Variants in BAIAP2L1 observed in about 807,000 individuals in gnomAD.
BAIAP2L1 encodes BAR/IMD domain-containing adapter protein 2-like 1.
In BAIAP2L1, 35 loss-of-function variants were observed where a neutral mutation model predicts 66.3. The observed-to-expected ratio is 0.53, with a 90% CI of 0.40 to 0.70. The LOEUF is 0.70. Among genes scored for constraint, BAIAP2L1 ranks in the 30% least tolerant of loss-of-function variants. BAIAP2L1 has a pLI of 0.00. For missense variants in BAIAP2L1, 622 were observed against 656.9 expected, an observed-to-expected ratio of 0.95 and a Z score of 0.58; for synonymous variants, 269 against 248.7, an observed-to-expected ratio of 1.08 and a Z score of -0.77.
intron 1 of BAIAP2L1, among the ~76,000 whole-genome samples, chr7:98,384,169 A>G (rs939900224): frequency 5.9e-5 from 9 of 151,896 alleles, no homozygotes; most frequent in Non-Finnish European, 1.2e-4. Context: ...AAAAAAAAAA[A>G]AAAGAAAGAG....
intron 5 of BAIAP2L1, among the ~76,000 whole-genome samples, chr7:98,319,840 C>T (rs1801194289): frequency 1.3e-5 from 2 of 152,146 alleles, no homozygotes; most frequent in Non-Finnish European, 2.9e-5. Context: ...CATGAGCCAC[C>T]GCACCTGGCC....
intron 1 of BAIAP2L1, among the ~76,000 whole-genome samples, chr7:98,367,634 C>G (rs899348897): frequency 4.8e-5 from 7 of 145,516 alleles, no homozygotes; most frequent in African/African-American, 1.8e-4. Flanking sequence ...CTCTGGGGTT[C>G]ACGTCATTCT....
chr7:98,309,682 C>G (rs1032034224), intron 9 of BAIAP2L1: 2 of 152,240 alleles, frequency 1.3e-5, no homozygotes. Context: ...TGGTCCAGGG[C>G]TCTCTCTCAC....
intron 1 of BAIAP2L1, among the ~76,000 whole-genome samples, chr7:98,378,175 C>T (rs537435366): frequency 6.0e-5 from 9 of 149,596 alleles, no homozygotes; most frequent in East Asian, 2.0e-4. Flanking sequence ...AAAACAAAAA[C>T]GAACAAAAAA....
In BAIAP2L1 at chr7:98,312,170, T is replaced by A. The variant is rs1466357156; in HGVS notation, c.734A>T (p.Glu245Val). The A allele has an allele frequency of 6.2e-7, 1 of 1,614,150 alleles. No homozygotes were observed. The highest frequency in any genetic ancestry group is 2.2e-5 in the East Asian group (1 of 44,878). The stretch of plus-strand genomic sequence containing the variant: ...GGGGGTAGAGGCTGGGGTCTTTATT[T>A]CTTCGATCATATTCATGATTTTCTC... ...VPEKIMNMIE[E>V]IKTPASTPVS... Residue 245 changes from glutamate (E) to valine (V), a missense_variant, in exon 8 of 14, where the codon GAA becomes GTA. Coordinates refer to ENST00000005260, the MANE Select transcript of BAIAP2L1 (RefSeq NM_018842.5).
At chr7:98,386,114 G>T in intron 1 of BAIAP2L1, 4 of 1,589,074 alleles carry the variant, frequency 2.5e-6, no homozygotes, top group Non-Finnish European at 3.4e-6. Context: ...CGGACCTGTT[G>T]GTGCTGAGCA....
At chr7:98,372,425 A>AAACAT (rs1165144586) in intron 1 of BAIAP2L1, among the ~76,000 whole-genome samples, 1 of 152,152 alleles carries the variant, frequency 6.6e-6, no homozygotes, top group Admixed American at 6.5e-5. Flanking sequence ...AAACAAAACA[A>AAACAT]AAATTCTCTA....
chr7:98,349,632 G>C (rs1307073236), intron 3 of BAIAP2L1, among the ~76,000 whole-genome samples: 2 of 152,010 alleles, frequency 1.3e-5, no homozygotes, highest in Non-Finnish European at 2.9e-5. Context: ...CAGCACTTTG[G>C]GAGGCCGAGG....
chr7:98,372,089 C>T (rs1211621394), intron 1 of BAIAP2L1, among the ~76,000 whole-genome samples: 2 of 152,008 alleles, frequency 1.3e-5, no homozygotes, highest in African/African-American at 2.4e-5. Flanking sequence ...CCATCGCGCC[C>T]GGCCCTCTTT....
At chr7:98,381,192 T>C (rs1209701228) in intron 1 of BAIAP2L1, among the ~76,000 whole-genome samples, 1 of 152,088 alleles carries the variant, frequency 6.6e-6, no homozygotes, top group Non-Finnish European at 1.5e-5. Context: ...TATGATTGGG[T>C]AGGGAGTTTG....
At chr7:98,338,421 TAAA>T (rs35420774) in intron 3 of BAIAP2L1, among the ~76,000 whole-genome samples, 22 of 131,400 alleles carry the variant, frequency 1.7e-4, no homozygotes, top group Admixed American at 2.3e-4. Context: ...GACTCCGTCT[TAAA>T]AAAAAAAAAA....
At chr7:98,323,433 T>C (rs1176005886) in intron 3 of BAIAP2L1, 1 of 152,258 alleles carries the variant, frequency 6.6e-6, no homozygotes, top group Admixed American at 6.5e-5. Flanking sequence ...AAAAATAATG[T>C]GGCTCAAAGC....
At chr7:98,342,936 C>T (rs1801777549) in intron 3 of BAIAP2L1, among the ~76,000 whole-genome samples, 2 of 151,582 alleles carry the variant, frequency 1.3e-5, no homozygotes, top group South Asian at 2.1e-4. Context: ...AGCTGTGCTG[C>T]CTTGAACTGA....
intron 1 of BAIAP2L1, among the ~76,000 whole-genome samples, chr7:98,380,077 GCTT>G (rs1300519100): frequency 1.3e-5 from 2 of 150,640 alleles, no homozygotes; most frequent in African/African-American, 2.4e-5. Flanking sequence ...CCTCAAAAAT[GCTT>G]TTTTTTTTTT....
In BAIAP2L1 at chr7:98,291,982, T is replaced by G. The variant is rs982885493; in HGVS notation, c.*1539A>C. 3.9e-5 allele frequency: 6 copies of G among 152,952 alleles called. No individual in the cohort carries two copies. The highest frequency in any genetic ancestry group is 1.4e-4 in the African/African-American group (6 of 41,486). The allele number at this position is 152,952 out of a possible 1,614,324, so 9.5% of individuals were successfully genotyped here. On this transcript the variant is annotated 3_prime_UTR_variant, in exon 14 of 14. Coordinates refer to ENST00000005260, the MANE Select transcript of BAIAP2L1 (RefSeq NM_018842.5). ...GGCTTGTGTGGACTGAATTCTCATG[T>G]GGCTGCAGCCCTTTCTGTAGTACAG...
At position 98,306,617 on chromosome 7, in the gene BAIAP2L1, C is replaced by T. The variant is rs944779309; in HGVS notation, c.1164-101G>A. 4.2e-5 allele frequency: 64 copies of T among 1,539,986 alleles called. No individual in the cohort carries two copies. The Middle Eastern group carries it at 5.1e-4, about 12-fold the overall frequency. ...GAGCTCAGGGCAGACAGGTCCACTG[C>T]TCCAGAAACGCCCATGTGTGGAGGA... On this transcript the variant is annotated intron_variant, in intron 10 of 13. Transcript: ENST00000005260.
At chr7:98,316,690 C>T (rs1801085095) in intron 6 of BAIAP2L1, among the ~76,000 whole-genome samples, 1 of 152,082 alleles carries the variant, frequency 6.6e-6, no homozygotes, top group Non-Finnish European at 1.5e-5. Flanking sequence ...ACTATAGTCA[C>T]CCTACTCTGC....
intron 1 of BAIAP2L1, among the ~76,000 whole-genome samples, chr7:98,370,261 G>A (rs1802481004): frequency 6.6e-6 from 1 of 150,838 alleles, no homozygotes; most frequent in Non-Finnish European, 1.5e-5. Context: ...TGTAGTCCTA[G>A]CTATTCAGGA....
chr7:98,376,674 A>AC (rs1393506263), intron 1 of BAIAP2L1, among the ~76,000 whole-genome samples: 107 of 150,814 alleles, frequency 7.1e-4, no homozygotes, highest in South Asian at 2.3e-3. Context: ...AAAAAAAAAA[A>AC]ACACACAAAA....
Sources: allele counts gnomAD v4.1 joint callset (sites outside exome capture counted in the v4.1 genomes callset), GRCh38; gene constraint gnomAD v4.1.1; transcripts MANE v1.5; gene names NCBI Gene and HGNC (gene_info 2026-07-23, HGNC 2026-07-21).